Variants in PELI2 observed in about 807,000 individuals in gnomAD.
The protein encoded by PELI2 is pellino E3 ubiquitin protein ligase family member 2.
In PELI2, 23 loss-of-function variants were observed where a neutral mutation model predicts 42.3. That is an observed-to-expected ratio of 0.54 (90% CI 0.39 to 0.77). The LOEUF is 0.77. Ranked by LOEUF, PELI2 falls within the 30% of genes least tolerant of loss-of-function variation. The pLI, the probability that PELI2 is intolerant of heterozygous loss-of-function variation, is 0.00. For synonymous variants in PELI2, 245 were observed against 212.2 expected (o/e 1.15, Z -1.34); for missense variants, 463 against 553.2 (o/e 0.84, Z 1.64).
At chr14:56,213,436 C>T (rs10144841) in intron 2 of PELI2, among the ~76,000 whole-genome samples, 38 of 152,234 alleles carry the variant, frequency 2.5e-4, no homozygotes, top group South Asian at 8.3e-4. Flanking sequence ...AGTTAGCAGG[C>T]GAGAGGAGTG....
chr14:56,295,287 C>G (rs1019760214), intron 5 of PELI2, among the ~76,000 whole-genome samples: 10 of 152,066 alleles, frequency 6.6e-5, no homozygotes, highest in African/African-American at 1.9e-4. Flanking sequence ...TACCTAAACC[C>G]CCTACCAACT....
chr14:56,149,889 A>G (rs1036643313), intron 1 of PELI2, among the ~76,000 whole-genome samples: 2 of 152,120 alleles, frequency 1.3e-5, no homozygotes, highest in Admixed American at 1.3e-4. Flanking sequence ...TAGAACATGC[A>G]TTTTTCCTGC....
At chr14:56,173,034 A>G (rs1437963504) in intron 1 of PELI2, among the ~76,000 whole-genome samples, 1 of 151,988 alleles carries the variant, frequency 6.6e-6, no homozygotes, top group East Asian at 1.9e-4. Flanking sequence ...TGAGTAGCCT[A>G]TATTATTCTC....
intron 1 of PELI2, among the ~76,000 whole-genome samples, chr14:56,139,412 T>A (rs1026786511): frequency 6.6e-6 from 1 of 152,194 alleles, no homozygotes; most frequent in Admixed American, 6.5e-5. Flanking sequence ...AGATTGCTTA[T>A]TTTCTAAGGA....
At chr14:56,277,046 A>G (rs1889318621) in intron 2 of PELI2, among the ~76,000 whole-genome samples, 1 of 152,178 alleles carries the variant, frequency 6.6e-6, no homozygotes, top group Non-Finnish European at 1.5e-5. Flanking sequence ...TTATAATGAA[A>G]CACCTTACAA....
rs984020780 is a variant in PELI2, at chr14:56,256,456, A to G, written c.208-23220A>G. On this transcript the variant is annotated intron_variant, in intron 2 of 5. Coordinates refer to ENST00000267460, the MANE Select transcript of PELI2 (RefSeq NM_021255.3). The stretch of plus-strand genomic sequence containing the variant: ...CAAAGATCGAGACCCTGTCTCAAAA[A>G]AGAAAAAAAAAATACCATTAACTTC... Among the ~76,000 whole-genome samples, 11 of 152,264 alleles carry G rather than the reference A, an allele frequency of 7.2e-5. No individual in the cohort carries two copies. In the East Asian group the frequency reaches 1.7e-3, roughly 24 times the overall value.
intron 2 of PELI2, among the ~76,000 whole-genome samples, chr14:56,228,869 C>T (rs780531259): frequency 4.7e-4 from 71 of 152,300 alleles, no homozygotes; most frequent in Middle Eastern, 3.4e-3. Flanking sequence ...CCGTCACAGA[C>T]GGTACCTGGA....
At chr14:56,162,962 GT>G (rs1884820313) in intron 1 of PELI2, among the ~76,000 whole-genome samples, 1 of 148,046 alleles carries the variant, frequency 6.8e-6, no homozygotes, top group African/African-American at 2.5e-5. Context: ...TTTTTTTTTT[GT>G]TTGAGCTCCT....
intron 2 of PELI2, among the ~76,000 whole-genome samples, chr14:56,238,866 G>A (rs1183385718): frequency 2.0e-5 from 3 of 152,294 alleles, no homozygotes; most frequent in Non-Finnish European, 4.4e-5. Context: ...GATTTGTTCA[G>A]TGAACTAGAA....
intron 2 of PELI2, among the ~76,000 whole-genome samples, chr14:56,247,556 T>A (rs971038743): frequency 4.6e-5 from 7 of 152,228 alleles, no homozygotes; most frequent in Non-Finnish European, 8.8e-5. Context: ...ATTGGGTAGA[T>A]TTTGACCCTG....
At chr14:56,227,749 A>C (rs1887411551) in intron 2 of PELI2, among the ~76,000 whole-genome samples, 1 of 152,210 alleles carries the variant, frequency 6.6e-6, no homozygotes, top group Admixed American at 6.5e-5. Context: ...TCCTTGGAGA[A>C]CTGACCAATT....
chr14:56,222,468 C>A (rs1324374345), intron 2 of PELI2, among the ~76,000 whole-genome samples: 1 of 152,218 alleles, frequency 6.6e-6, no homozygotes, highest in Non-Finnish European at 1.5e-5. Context: ...AAGCTCACCA[C>A]GTGCCTGTGC....
chr14:56,169,314 C>A (rs1041744257), intron 1 of PELI2, among the ~76,000 whole-genome samples: 10 of 152,188 alleles, frequency 6.6e-5, no homozygotes, highest in African/African-American at 2.4e-4. Context: ...TCCAAGTTTA[C>A]ATGGAGACAC....
rs561394943 is a variant in PELI2, at chr14:56,127,922, T to C, written c.77+9185T>C. On this transcript the variant is annotated intron_variant, in intron 1 of 5. Transcript: ENST00000267460. The stretch of plus-strand genomic sequence containing the variant: ...GATGATGTTAAGTCTGTTGCTTTTA[T>C]AATTTTGTTGTTTTTAAAGCTTAAA... 1.2e-4 allele frequency among the ~76,000 whole-genome samples: 18 copies of C among 152,352 alleles called. No homozygotes were observed. In the East Asian group the frequency reaches 3.1e-3, roughly 26 times the overall value.
chr14:56,254,797 A>G (rs1888466490), intron 2 of PELI2, among the ~76,000 whole-genome samples: 1 of 152,224 alleles, frequency 6.6e-6, no homozygotes, highest in Admixed American at 6.5e-5. Context: ...ATTTACAAGA[A>G]AAAAACAACC....
Position 56,286,863 on chromosome 14 carries a change from C to T in PELI2, c.310-1574C>T, listed in dbSNP as rs137865836. On this transcript the variant is annotated intron_variant, in intron 3 of 5. Coordinates refer to ENST00000267460, the MANE Select transcript of PELI2 (RefSeq NM_021255.3). ...TTTAAGTGGAAGCAAACTGATAAGT[C>T]ATGTGTATGACCGATCAAGATAAGT... Among the ~76,000 whole-genome samples, 37 of 152,218 alleles carry T rather than the reference C, an allele frequency of 2.4e-4. 1 individual carries two copies. In the East Asian group the frequency reaches 7.1e-3, roughly 29 times the overall value.
chr14:56,276,975 C>T (rs990575591), intron 2 of PELI2, among the ~76,000 whole-genome samples: 7 of 152,154 alleles, frequency 4.6e-5, no homozygotes, highest in African/African-American at 7.2e-5. Flanking sequence ...GTGATGCTTT[C>T]GCTATAAATA....
intron 2 of PELI2, among the ~76,000 whole-genome samples, chr14:56,195,733 C>T (rs888043960): frequency 2.0e-5 from 3 of 152,168 alleles, no homozygotes; most frequent in Admixed American, 6.5e-5. Context: ...CATATTAAAC[C>T]GTTTGTTAAG....
intron 2 of PELI2, among the ~76,000 whole-genome samples, chr14:56,229,479 G>A (rs7148928): frequency 0.4 from 61,251 of 152,062 alleles, 13,098 homozygotes; most frequent in South Asian, 0.53. Flanking sequence ...CAAGGCAAAC[G>A]GGGTCTGGAG....
Sources: allele counts gnomAD v4.1 joint callset (sites outside exome capture counted in the v4.1 genomes callset), GRCh38; gene constraint gnomAD v4.1.1; transcripts MANE v1.5; gene names NCBI Gene and HGNC (gene_info 2026-07-23, HGNC 2026-07-21).